RIOK1: variants seen among roughly 807,000 people sequenced by gnomAD.
RIOK1 encodes the protein serine/threonine-protein kinase RIO1.
RIOK1 carries 66 observed loss-of-function variants against 73.5 expected under a neutral mutation model. That is an observed-to-expected ratio of 0.90 (90% confidence interval 0.74 to 1.10). The LOEUF (loss-of-function observed/expected upper bound fraction) is 1.10, where lower values mean the gene tolerates loss of function less well. Ranked by LOEUF, RIOK1 falls within the 50% of genes least tolerant of loss-of-function variation. The probability of loss-of-function intolerance (pLI) is 0.00; values close to 1 mark genes in which losing one functional copy is unlikely to be tolerated. For missense variants in RIOK1, 658 were observed against 699.8 expected (o/e 0.94, Z 0.67); for synonymous variants, 224 against 226.8 (o/e 0.99, Z 0.11).
chr6:7,400,267 T>C (rs182004013), intron 5 of RIOK1, among the ~76,000 whole-genome samples: 92 of 152,344 alleles, frequency 6.0e-4, no homozygotes, highest in Non-Finnish European at 1.0e-3. Context: ...ATATAGTTTC[T>C]GTTGATTTTT....
At chr6:7,394,050 T>C in intron 2 of RIOK1, among the ~76,000 whole-genome samples, 1 of 152,226 alleles carries the variant, frequency 6.6e-6, no homozygotes, top group Non-Finnish European at 1.5e-5. Context: ...AAGTACCAAG[T>C]GTGTTAGGAG....
chr6:7,410,517 T>C, intron 13 of RIOK1, 66 bp downstream of exon 13: 2 of 1,004,996 alleles, frequency 2.0e-6, no homozygotes, highest in Non-Finnish European at 3.1e-6. Flanking sequence ...TTTTTTTATG[T>C]TGCTAGAGCA....
intron 15 of RIOK1, among the ~76,000 whole-genome samples, chr6:7,413,229 G>T (rs191739810): frequency 8.8e-4 from 134 of 152,128 alleles, no homozygotes; most frequent in Admixed American, 3.2e-3. Context: ...TATCCTGGTC[G>T]TCATTTGTGG....
chr6:7,415,210 G>A (rs532847885), intron 16 of RIOK1, among the ~76,000 whole-genome samples: 11 of 152,168 alleles, frequency 7.2e-5, no homozygotes, highest in East Asian at 3.9e-4. Flanking sequence ...CAAGGAGGGC[G>A]GATCACTCCA....
chr6:7,408,380 C>CTTGCA (rs1761801390), intron 12 of RIOK1, among the ~76,000 whole-genome samples: 1 of 152,136 alleles, frequency 6.6e-6, no homozygotes, highest in Non-Finnish European at 1.5e-5. Flanking sequence ...TTTCCATTTC[C>CTTGCA]TTGCAATACC....
chr6:7,413,040 G>T, intron 15 of RIOK1, 98 bp downstream of exon 15: 1 of 574,474 alleles, frequency 1.7e-6, no homozygotes, highest in Non-Finnish European at 2.9e-6. Flanking sequence ...AATATTATTA[G>T]AACTAAATGT....
At chr6:7,415,717 C>T (rs1473939960) in intron 16 of RIOK1, among the ~76,000 whole-genome samples, 1 of 152,146 alleles carries the variant, frequency 6.6e-6, no homozygotes, top group Non-Finnish European at 1.5e-5. Context: ...AGGCCATTTA[C>T]TGTAAGGAAT....
rs1762038017 is a variant in RIOK1 at position 7,417,477 on chromosome 6, G to A, written c.*36G>A. The A allele has an allele frequency of 1.5e-6, 2 of 1,334,860 alleles. No individual in the cohort carries two copies. The highest frequency in any genetic ancestry group is 2.1e-6 in the Non-Finnish European group (2 of 975,286). The allele number at this position is 1,334,860 out of a possible 1,614,324, so 82.7% of individuals were successfully genotyped here. A position where few individuals can be genotyped will look rare whatever the true frequency, so the allele number is the denominator to read the frequency against. ...ATATTATGTACAGTCATTTTCCTCA[G>A]TTCCTTTTCTCGCCTGAACTCTTAA... On this transcript the variant is annotated 3_prime_UTR_variant, in exon 17 of 17. Coordinates refer to ENST00000379834, the MANE Select transcript of RIOK1 (RefSeq NM_031480.3).
Position 7,404,965 on chromosome 6 carries a change from A to T in RIOK1, c.1040A>T (p.Glu347Val), listed in dbSNP as rs1480543519. The change falls in exon 11 of 17, where the codon GAG becomes GTG. Residue 347 changes from glutamate (E) to valine (V), a missense_variant. By Grantham distance (121) the Glu-to-Val change is moderately radical. Coordinates refer to ENST00000379834, the MANE Select transcript of RIOK1 (RefSeq NM_031480.3). ...VYIIDVSQSV[E>V]HDHPHALEFL... ...ATCATTGACGTGTCTCAGTCCGTGG[A>T]GCACGACCACCCACATGCCTTGGAG... The T allele has an allele frequency of 3.7e-6, 6 of 1,614,200 alleles. No individual in the cohort carries two copies. The highest frequency in any genetic ancestry group is 5.1e-6 in the Non-Finnish European group (6 of 1,180,012).
intron 2 of RIOK1, among the ~76,000 whole-genome samples, chr6:7,393,789 G>A (rs1177342273): frequency 6.6e-6 from 1 of 152,174 alleles, no homozygotes; most frequent in Admixed American, 6.5e-5. Flanking sequence ...CTTTGACTTA[G>A]CGATTCTGTG....
rs564131257 is a variant in RIOK1 at position 7,389,839 on chromosome 6, T to A, written c.-164T>A. On this transcript the variant is annotated 5_prime_UTR_variant, in exon 1 of 17. Transcript: ENST00000379834. ...CCGGTTGGGGTGGCAGGGTGGTGGATCTGTCGGTCCCGTTTTCCCGTCGCA... is the reference window on the plus strand; with the variant it reads ...CCGGTTGGGGTGGCAGGGTGGTGGAACTGTCGGTCCCGTTTTCCCGTCGCA... 2 of 613,530 alleles carry A rather than the reference T, an allele frequency of 3.3e-6. No homozygotes were observed. Among genetic ancestry groups the A allele is most frequent in the South Asian group, 4.0e-5 (2 of 50,504 alleles). The allele number at this position is 613,530 out of a possible 1,614,324, so 38.0% of individuals were successfully genotyped here. A position where few individuals can be genotyped will look rare whatever the true frequency, so the allele number is the denominator to read the frequency against.
At chr6:7,409,035 A>G (rs565704191) in intron 12 of RIOK1, among the ~76,000 whole-genome samples, 8 of 128,698 alleles carry the variant, frequency 6.2e-5, no homozygotes, top group Admixed American at 3.9e-4. Flanking sequence ...TTATTTATTT[A>G]TTTTTTTGAC....
intron 12 of RIOK1, among the ~76,000 whole-genome samples, chr6:7,406,525 T>C (rs887788884): frequency 2.6e-5 from 4 of 152,322 alleles, no homozygotes; most frequent in African/African-American, 9.6e-5. Context: ...CATTCTACTT[T>C]CTGTCTTTGT....
At chr6:7,417,198 C>A in intron 16 of RIOK1, 133 bp from the exon 17 acceptor site, 1 of 529,858 alleles carries the variant, frequency 1.9e-6, no homozygotes, top group Non-Finnish European at 3.4e-6. Flanking sequence ...CTGAAGTGAA[C>A]CATGGTCACG....
At chr6:7,400,319 T>A (rs1034502024) in intron 5 of RIOK1, among the ~76,000 whole-genome samples, 1 of 152,190 alleles carries the variant, frequency 6.6e-6, no homozygotes, top group African/African-American at 2.4e-5. Context: ...CATTCTTAAC[T>A]TGCAAGCTAA....
chr6:7,411,306 T>G, intron 13 of RIOK1, 26 bp from the exon 14 acceptor site: 1 of 1,611,682 alleles, frequency 6.2e-7, no homozygotes, highest in East Asian at 2.2e-5. Flanking sequence ...AATAACAGTT[T>G]TGATTTTGCT....
At chr6:7,402,021 A>T (rs970758109) in intron 6 of RIOK1, among the ~76,000 whole-genome samples, 1 of 152,124 alleles carries the variant, frequency 6.6e-6, no homozygotes, top group Non-Finnish European at 1.5e-5. Context: ...TTTTGCATAT[A>T]CTTGAGATAT....
Position 7,412,937 on chromosome 6 carries a change from C to CAT in RIOK1, c.1439_1440insTA (p.Gln480HisfsTer8). Reference sequence around the variant, plus strand: ...ATTGAAGAAAGATTTGTCAGGAGTTCAGAAGGTATGAAGAACATGTGTTAC... The same window carrying CAT: ...ATTGAAGAAAGATTTGTCAGGAGTTCATAGAAGGTATGAAGAACATGTGTTAC... On this transcript the variant is annotated frameshift_variant, in exon 15 of 17. Coordinates refer to ENST00000379834, the MANE Select transcript of RIOK1 (RefSeq NM_031480.3). LOFTEE classifies it high-confidence loss of function. 2 of 1,558,248 alleles carry CAT rather than the reference C, an allele frequency of 1.3e-6. No individual in the cohort carries two copies. The highest frequency in any genetic ancestry group is 1.7e-6 in the Non-Finnish European group (2 of 1,154,060).
rs1341589646 is a variant in RIOK1, at chr6:7,414,363, C to T, written c.1569C>T (p.His523=). The part of the protein sequence containing the change: ...EQGDHARPKK[H]TTDPDIDKKE... ...GAGACCATGCCCGCCCCAAGAAACA[C>T]ACCACGGACCCTGACATTGATAAAA... The change falls in exon 16 of 17, where the codon CAC becomes CAT. Residue 523 remains histidine (H), a synonymous_variant. Transcript: ENST00000379834. The T allele has an allele frequency of 6.2e-7, 1 of 1,609,468 alleles. No homozygotes were observed. The highest frequency in any genetic ancestry group is 8.5e-7 in the Non-Finnish European group (1 of 1,178,870).
Sources: allele counts gnomAD v4.1 joint callset (sites outside exome capture counted in the v4.1 genomes callset), GRCh38; gene constraint gnomAD v4.1.1; transcripts MANE v1.5; gene names NCBI Gene and HGNC (gene_info 2026-07-23, HGNC 2026-07-21).